Variants in SLC25A24 observed in about 807,000 individuals in gnomAD.
SLC25A24 encodes mitochondrial adenyl nucleotide antiporter SLC25A24.
SLC25A24 carries 49 observed loss-of-function variants against 60.7 expected under a neutral mutation model. The ratio of observed to expected loss-of-function variants is 0.81; its 90% CI spans 0.64 to 1.02. The LOEUF (loss-of-function observed/expected upper bound fraction) is 1.02, where lower values mean the gene tolerates loss of function less well. Ranked by LOEUF, SLC25A24 falls within the 50% of genes least tolerant of loss-of-function variation. The pLI is 0.00. For synonymous variants in SLC25A24, 202 were observed against 200.6 expected (o/e 1.01, Z -0.06); for missense variants, 564 against 586.3 (o/e 0.96, Z 0.39).
At chr1:108,151,317 T>C (rs1300106982) in intron 6 of SLC25A24, among the ~76,000 whole-genome samples, 1 of 152,190 alleles carries the variant, frequency 6.6e-6, no homozygotes, top group African/African-American at 2.4e-5. Context: ...TTCTCTTCAC[T>C]GTCAAACTCC....
chr1:108,166,041 C>T lies in SLC25A24; in HGVS notation c.399-4748G>A, dbSNP rs1680242788. Among the ~76,000 whole-genome samples, 6 of 152,086 alleles carry T rather than the reference C, an allele frequency of 3.9e-5. No individual in the cohort carries two copies. The South Asian group carries it at 1.2e-3, about 32-fold the overall frequency. On this transcript the variant is annotated intron_variant, in intron 3 of 9. Coordinates refer to ENST00000565488, the MANE Select transcript of SLC25A24 (RefSeq NM_013386.5). ...TTGTCTGTAAAGGATTTTATTTCTC[C>T]TTCACTTATGAAGCTTAGTTTGGCT...
At chr1:108,136,940 GACA>G (rs1397123731) in intron 9 of SLC25A24, 103 bp from the exon 10 acceptor site, 7 of 1,112,308 alleles carry the variant, frequency 6.3e-6, no homozygotes, top group South Asian at 2.8e-5. Context: ...ACAGTAAAAG[GACA>G]ACATTTATTC....
At chr1:108,174,215 G>C (rs553279058) in intron 3 of SLC25A24, among the ~76,000 whole-genome samples, 1 of 152,162 alleles carries the variant, frequency 6.6e-6, no homozygotes, top group Non-Finnish European at 1.5e-5. Context: ...AGGAAAAAAT[G>C]GTTTCCTGGG....
chr1:108,197,405 T>C (rs1190324394), intron 1 of SLC25A24, among the ~76,000 whole-genome samples: 3 of 152,212 alleles, frequency 2.0e-5, no homozygotes, highest in East Asian at 1.9e-4. Flanking sequence ...AGCTGAGTAT[T>C]TGGCTTAGAT....
intron 3 of SLC25A24, among the ~76,000 whole-genome samples, chr1:108,162,117 G>C (rs1270802717): frequency 6.6e-6 from 1 of 152,170 alleles, no homozygotes; most frequent in African/African-American, 2.4e-5. Context: ...CCCTACAAAA[G>C]ACATGAACTC....
chr1:108,199,970 G>A lies in SLC25A24; in HGVS notation c.169C>T (p.Gln57Ter), dbSNP rs1648609699. The change falls in exon 1 of 10, where the codon CAG (glutamine) becomes TAG (stop). Residue 57 changes from glutamine to a stop codon, truncating the protein, a stop_gained. Transcript: ENST00000565488. LOFTEE classifies it high-confidence loss of function. Reference sequence around the variant, plus strand: ...CGGCGACCCACCTCCTCGGCGTCCTGGCCCAGAGGGATGCCCAGGTTCCTG... The same window carrying A: ...CGGCGACCCACCTCCTCGGCGTCCTAGCCCAGAGGGATGCCCAGGTTCCTG... Reference protein sequence around the residue: ...GLRNLGIPLGQDAEEKIFTTG... With the variant: ...GLRNLGIPLG 6.2e-7 allele frequency: 1 copy of A among 1,608,956 alleles called. No individual in the cohort carries two copies. Among genetic ancestry groups the A allele is most frequent in the Non-Finnish European group, 8.5e-7 (1 of 1,178,268 alleles).
At chr1:108,138,198 G>C (rs1214935277) in intron 9 of SLC25A24, among the ~76,000 whole-genome samples, 1 of 152,170 alleles carries the variant, frequency 6.6e-6, no homozygotes, top group Non-Finnish European at 1.5e-5. Flanking sequence ...CACTGGCGGG[G>C]CCACACCTGA....
chr1:108,159,857 G>A (rs1473215372), intron 4 of SLC25A24, among the ~76,000 whole-genome samples: 2 of 151,406 alleles, frequency 1.3e-5, no homozygotes, highest in Non-Finnish European at 3.0e-5. Flanking sequence ...AGTCTCCCAT[G>A]TCTACCTCTT....
At chr1:108,152,085 A>T (rs1206604689) in intron 6 of SLC25A24, among the ~76,000 whole-genome samples, 2 of 152,064 alleles carry the variant, frequency 1.3e-5, no homozygotes, top group African/African-American at 4.8e-5. Flanking sequence ...CTCTTTTTTC[A>T]GGTTGATATT....
chr1:108,161,285 A>C lies in SLC25A24; in HGVS notation c.407T>G (p.Val136Gly), dbSNP rs779851201. 6.4e-7 allele frequency: 1 copy of C among 1,550,600 alleles called. No homozygotes were observed. Among genetic ancestry groups the C allele is most frequent in the Non-Finnish European group, 8.9e-7 (1 of 1,127,584 alleles). Residue 136 changes from valine (V) to glycine (G), a missense_variant, in exon 4 of 10, where the codon GTT becomes GGT. Physicochemically the swap from Val to Gly is moderately radical, Grantham distance 109. Coordinates refer to ENST00000565488, the MANE Select transcript of SLC25A24 (RefSeq NM_013386.5). Reference sequence around the variant, plus strand: ...CCAGTCCACTGTCATTGTCCCATCAACATCAATGCTGAAATTTTAAAAAAA... The same window carrying C: ...CCAGTCCACTGTCATTGTCCCATCACCATCAATGCTGAAATTTTAAAAAAA... ...QAELILQSID[V>G]DGTMTVDWNE...
chr1:108,152,973 G>A (rs922644578), intron 6 of SLC25A24, among the ~76,000 whole-genome samples: 1 of 152,172 alleles, frequency 6.6e-6, no homozygotes, highest in Non-Finnish European at 1.5e-5. Context: ...TGCTGGAGCA[G>A]GGTCAGGAGA....
intron 6 of SLC25A24, among the ~76,000 whole-genome samples, chr1:108,150,963 G>A (rs1405151655): frequency 3.6e-5 from 3 of 82,684 alleles, no homozygotes; most frequent in Non-Finnish European, 8.1e-5. Flanking sequence ...CATTTCGGGA[G>A]GCTGAGGCAG....
chr1:108,187,864 A>G (rs908894826), intron 1 of SLC25A24, among the ~76,000 whole-genome samples: 1 of 146,204 alleles, frequency 6.8e-6, no homozygotes, highest in African/African-American at 2.5e-5. Flanking sequence ...AAAGATGCAA[A>G]ACTCCTGTAT....
intron 7 of SLC25A24, 50 bp from the exon 8 acceptor site, chr1:108,143,760 C>T: frequency 7.1e-7 from 1 of 1,401,042 alleles, no homozygotes; most frequent in Non-Finnish European, 9.9e-7. Context: ...ACTCTATCAT[C>T]ATGGGATTCA....
At position 108,155,012 on chromosome 1, in the gene SLC25A24, T is replaced by C; in HGVS notation, c.793A>G (p.Thr265Ala). 6 of 1,608,690 alleles carry C rather than the reference T, an allele frequency of 3.7e-6. No individual in the cohort carries two copies. Among genetic ancestry groups the C allele is most frequent in the Non-Finnish European group, 5.1e-6 (6 of 1,177,610 alleles). Reference protein sequence around the residue: ...GTNVIKIAPETAVKFWAYEQY... With the variant: ...GTNVIKIAPEAAVKFWAYEQY... ...TCATATGCCCAGAATTTAACAGCTGTCTCAGGAGCAATTTTGATGACGTTT... is the reference window on the plus strand; with the variant it reads ...TCATATGCCCAGAATTTAACAGCTGCCTCAGGAGCAATTTTGATGACGTTT... Residue 265 changes from threonine (T) to alanine (A), a missense_variant, in exon 6 of 10, where the codon ACA (threonine) becomes GCA (alanine). Physicochemically the swap from Thr to Ala is moderately conservative, Grantham distance 58. Coordinates refer to ENST00000565488, the MANE Select transcript of SLC25A24 (RefSeq NM_013386.5).
At chr1:108,182,202 A>G (rs1435038989) in intron 2 of SLC25A24, among the ~76,000 whole-genome samples, 174 bp from the exon 3 acceptor site, 1 of 152,226 alleles carries the variant, frequency 6.6e-6, no homozygotes, top group Non-Finnish European at 1.5e-5. Flanking sequence ...AATACTAAAA[A>G]TGTAACAAAT....
At chr1:108,144,327 T>C (rs918496543) in intron 7 of SLC25A24, among the ~76,000 whole-genome samples, 6 of 152,212 alleles carry the variant, frequency 3.9e-5, no homozygotes. Flanking sequence ...AAGCAGTAGT[T>C]GGAAAACTTT....
rs775550751 is a variant in SLC25A24 at position 108,157,490 on chromosome 1, G to A, written c.641C>T (p.Pro214Leu). 5 of 1,614,128 alleles carry A rather than the reference G, an allele frequency of 3.1e-6. No homozygotes were observed. The highest frequency in any genetic ancestry group is 4.2e-6 in the Non-Finnish European group (5 of 1,180,004). ...CATCATGATTTTCAGACGGTCCAAAGGGGCAGTGCTTGTTCGAGAGACAGC... is the reference window on the plus strand; with the variant it reads ...CATCATGATTTTCAGACGGTCCAAAAGGGCAGTGCTTGTTCGAGAGACAGC... ...AGAVSRTSTAPLDRLKIMMQV... is the reference protein window; with the variant it reads ...AGAVSRTSTALLDRLKIMMQV... The change falls in exon 5 of 10, where the codon CCT becomes CTT. Residue 214 changes from proline to leucine, a missense_variant. By Grantham distance (98) the Pro-to-Leu change is moderately conservative. Coordinates refer to ENST00000565488, the MANE Select transcript of SLC25A24 (RefSeq NM_013386.5).
Position 108,193,600 on chromosome 1 carries a change from T to C in SLC25A24, c.183+6356A>G, listed in dbSNP as rs1648412721. On this transcript the variant is annotated intron_variant, in intron 1 of 9. Transcript: ENST00000565488. ...ATCTGCTGCTGATGGGTACCTACAT[T>C]GTGTTGTAGGAATCCTTTTCTAAGG... is the stretch of plus-strand genomic sequence containing the variant. Among the ~76,000 whole-genome samples the C allele has an allele frequency of 1.4e-5, 2 of 139,884 alleles. 1 individual carries two copies. The highest frequency in any genetic ancestry group is 3.1e-5 in the Non-Finnish European group (2 of 63,808). 91.8% of individuals were successfully genotyped at this position (139,884 alleles called of 152,430 possible).
Sources: allele counts gnomAD v4.1 joint callset (sites outside exome capture counted in the v4.1 genomes callset), GRCh38; gene constraint gnomAD v4.1.1; transcripts MANE v1.5; gene names NCBI Gene and HGNC (gene_info 2026-07-23, HGNC 2026-07-21).